Variants in ANKRD17 observed in about 807,000 individuals in gnomAD.
ANKRD17 encodes the protein ankyrin repeat domain 17.
In ANKRD17, 19 loss-of-function variants were observed where a neutral mutation model predicts 229.7. The ratio of observed to expected loss-of-function variants is 0.08; its 90% CI spans 0.06 to 0.12. The LOEUF (loss-of-function observed/expected upper bound fraction) is 0.12. Ranked by LOEUF, ANKRD17 falls within the 10% of genes least tolerant of loss-of-function variation. The pLI is 1.00. For missense variants in ANKRD17, 2,176 were observed against 3,176.8 expected (o/e 0.68, Z 7.57); for synonymous variants, 1,112 against 1,146.1 (o/e 0.97, Z 0.60).
At chr4:73,105,577 A>G (rs1398427728) in intron 24 of ANKRD17, among the ~76,000 whole-genome samples, 2 of 152,036 alleles carry the variant, frequency 1.3e-5, no homozygotes, top group African/African-American at 4.8e-5. Context: ...AAAAGAGGTA[A>G]ATGGATTTGG....
At chr4:73,250,362 G>A (rs1744878904) in intron 1 of ANKRD17, among the ~76,000 whole-genome samples, 1 of 151,702 alleles carries the variant, frequency 6.6e-6, no homozygotes, top group African/African-American at 2.4e-5. Flanking sequence ...AGCACTTTGG[G>A]GGCCAAGGCG....
chr4:73,087,944 A>C (rs751756742), intron 29 of ANKRD17, among the ~76,000 whole-genome samples: 11 of 151,988 alleles, frequency 7.2e-5, no homozygotes, highest in South Asian at 2.1e-4. Context: ...AAAAGGAAGC[A>C]GCAAAAGAGA....
At chr4:73,199,226 TG>T (rs1738314707) in intron 1 of ANKRD17, among the ~76,000 whole-genome samples, 5 of 133,580 alleles carry the variant, frequency 3.7e-5, no homozygotes, top group Non-Finnish European at 7.6e-5. Context: ...TTTGGCTGTG[TG>T]TGTGTGTGTG....
chr4:73,204,370 A>AAAAAAAAAAG (rs1560718082), intron 1 of ANKRD17, among the ~76,000 whole-genome samples: 2 of 150,908 alleles, frequency 1.3e-5, no homozygotes, highest in African/African-American at 4.9e-5. Flanking sequence ...AAAAAAAAAA[A>AAAAAAAAAAG]AAAAAAAAAG....
At position 73,147,387 on chromosome 4, in the gene ANKRD17, A is replaced by G; in HGVS notation, c.1613T>C (p.Leu538Ser). The change falls in exon 9 of 34, where the codon TTG becomes TCG. Residue 538 changes from leucine (L) to serine (S), a missense_variant. By Grantham distance (145) the Leu-to-Ser change is moderately radical (BLOSUM62 -2). This residue lies in a region of ANKRD17 where 275 missense variants were observed against 386.9 expected (regional missense o/e 0.71). Transcript: ENST00000358602. ...AAAGCCTCCACAGCAAGCCAGAGTC[A>G]AGGCAGTTTCTTGAGTTTCTTCTGT... is the stretch of plus-strand genomic sequence containing the variant. ...AQTEETQETA[L>S]TLACCGGFLE... 1 of 1,599,466 alleles carries G rather than the reference A, an allele frequency of 6.3e-7. No homozygotes were observed. The highest frequency in any genetic ancestry group is 8.5e-7 in the Non-Finnish European group (1 of 1,173,862).
intron 1 of ANKRD17, among the ~76,000 whole-genome samples, chr4:73,190,752 C>T (rs1201300064): frequency 4.6e-5 from 7 of 151,574 alleles, no homozygotes; most frequent in Non-Finnish European, 5.9e-5. Context: ...CCAGCAATAA[C>T]CCATGAGAAA....
chr4:73,176,339 T>C (rs1400693263), intron 2 of ANKRD17, among the ~76,000 whole-genome samples: 2 of 152,166 alleles, frequency 1.3e-5, no homozygotes, highest in African/African-American at 4.8e-5. Context: ...GGAATCCTCA[T>C]ATACTATTGG....
intron 1 of ANKRD17, among the ~76,000 whole-genome samples, chr4:73,200,340 C>G (rs550727804): frequency 6.6e-6 from 1 of 152,216 alleles, no homozygotes; most frequent in East Asian, 1.9e-4. Flanking sequence ...TACATACTTA[C>G]AGTCCAAGGT....
intron 1 of ANKRD17, among the ~76,000 whole-genome samples, chr4:73,189,507 C>T (rs888848557): frequency 1.4e-5 from 2 of 143,140 alleles, no homozygotes; most frequent in Admixed American, 7.3e-5. Flanking sequence ...AGCTATTTTC[C>T]CACCTCAGCC....
chr4:73,181,678 GA>G (rs1010695681), intron 1 of ANKRD17, among the ~76,000 whole-genome samples: 12 of 151,546 alleles, frequency 7.9e-5, no homozygotes, highest in African/African-American at 2.7e-4. Context: ...TTATTCTACA[GA>G]AAAAAAATCA....
At chr4:73,196,297 C>T (rs1470274575) in intron 1 of ANKRD17, among the ~76,000 whole-genome samples, 2 of 152,160 alleles carry the variant, frequency 1.3e-5, no homozygotes, top group African/African-American at 2.4e-5. Context: ...TGCACCTGGC[C>T]TTAGTTTCTG....
chr4:73,182,577 T>A (rs1302640850), intron 1 of ANKRD17, among the ~76,000 whole-genome samples: 2 of 152,172 alleles, frequency 1.3e-5, no homozygotes, highest in Non-Finnish European at 2.9e-5. Flanking sequence ...GTTAACTACC[T>A]GAACCCATTG....
chr4:73,081,053 G>T (rs1721510848), intron 30 of ANKRD17, among the ~76,000 whole-genome samples: 1 of 152,174 alleles, frequency 6.6e-6, no homozygotes, highest in Non-Finnish European at 1.5e-5. Context: ...GTTTTTATCA[G>T]ATGACCCTGT....
chr4:73,155,138 T>C (rs1227218589), intron 5 of ANKRD17, among the ~76,000 whole-genome samples: 1 of 152,014 alleles, frequency 6.6e-6, no homozygotes, highest in Non-Finnish European at 1.5e-5. Flanking sequence ...CACAAATCTA[T>C]CTAGGCCCAA....
At position 73,146,863 on chromosome 4, in the gene ANKRD17, A is replaced by G. The variant is rs1054874332; in HGVS notation, c.1770T>C (p.Val590=). ...VKYLLAAGAN[V]HATTATGDTA... ...TATCCCCTGTTGCTGTTGTTGCATG[A>G]ACGTTAGCTCCTGTAGTAGTCAACA... is the stretch of plus-strand genomic sequence containing the variant. The change falls in exon 10 of 34, where the codon GTT becomes GTC. Residue 590 remains valine (V), a synonymous_variant. Transcript: ENST00000358602. 4.3e-6 allele frequency: 7 copies of G among 1,612,010 alleles called. No homozygotes were observed. The highest frequency in any genetic ancestry group is 5.9e-6 in the Non-Finnish European group (7 of 1,178,602).
At chr4:73,231,947 G>C (rs73827473) in intron 1 of ANKRD17, among the ~76,000 whole-genome samples, 3,451 of 152,346 alleles carry the variant, frequency 0.023, 192 homozygotes, top group Admixed American at 0.13. Flanking sequence ...CACGCCCAGA[G>C]AGGGCAGAAT....
At chr4:73,195,546 GTCA>G (rs1737741495) in intron 1 of ANKRD17, among the ~76,000 whole-genome samples, 1 of 151,690 alleles carries the variant, frequency 6.6e-6, no homozygotes, top group Non-Finnish European at 1.5e-5. Context: ...GTCTCACTCT[GTCA>G]CCAGGCTGGC....
At chr4:73,138,417 A>T (rs1174371632) in intron 15 of ANKRD17, among the ~76,000 whole-genome samples, 1 of 152,174 alleles carries the variant, frequency 6.6e-6, no homozygotes, top group East Asian at 1.9e-4. Flanking sequence ...TAAGTATAAA[A>T]TCTATCTCAG....
Position 73,161,877 on chromosome 4 carries a change from T to TTA in ANKRD17, c.548-531_548-530dup, listed in dbSNP as rs1324004482. 5.9e-5 allele frequency among the ~76,000 whole-genome samples: 9 copies of TTA among 151,950 alleles called. No homozygotes were observed. In the South Asian group the frequency reaches 6.2e-4, roughly 11 times the overall value. ...ATGTCTACATTTTATTTTTTTTAAT[T>TTA]TATATATATTTCTTTTCGAGACAGG... On this transcript the variant is annotated intron_variant, in intron 2 of 33. Coordinates refer to ENST00000358602, the MANE Select transcript of ANKRD17 (RefSeq NM_032217.5).
Sources: gnomAD v4.1 joint callset for allele counts (sites outside exome capture counted in the v4.1 genomes callset) on GRCh38, gnomAD v4.1.1 for gene constraint, gnomAD v4.1.1 regional missense constraint, MANE v1.5 for transcripts, NCBI Gene and HGNC (gene_info 2026-07-23, HGNC 2026-07-21) for gene names.